Variants in NDFIP1 observed in about 807,000 individuals in gnomAD.
NDFIP1 encodes the protein Nedd4 family interacting protein 1.
NDFIP1 carries 7 observed loss-of-function variants against 28.8 expected under a neutral mutation model. The observed-to-expected ratio is 0.24, with a 90% confidence interval of 0.14 to 0.46. The LOEUF (loss-of-function observed/expected upper bound fraction) is 0.46, where lower values mean the gene tolerates loss of function less well. NDFIP1 is among the 20% of genes least tolerant of loss of function. The pLI is 0.99. For synonymous variants in NDFIP1, 92 were observed against 101.0 expected, an observed-to-expected ratio of 0.91 and a Z score of 0.53; for missense variants, 194 against 269.1, an observed-to-expected ratio of 0.72 and a Z score of 1.95.
chr5:142,153,363 C>A lies in NDFIP1; in HGVS notation c.*1635C>A, dbSNP rs13360877. On this transcript the variant is annotated 3_prime_UTR_variant, in exon 8 of 8. Coordinates refer to ENST00000253814, the MANE Select transcript of NDFIP1 (RefSeq NM_030571.4). ...AGCACAGTCTGATAGCTGCAAATGT[C>A]CATTCATCTGCTGTGTATGTATATC... is the stretch of plus-strand genomic sequence containing the variant. The A allele has an allele frequency of 3.0e-3, 1,357 of 456,742 alleles. 13 individuals are homozygous for A. The highest frequency in any genetic ancestry group is 0.024 in the African/African-American group (1,204 of 50,178). 28.3% of individuals were successfully genotyped at this position (456,742 alleles called of 1,614,324 possible). A position where few individuals can be genotyped will look rare whatever the true frequency, so the allele number is the denominator to read the frequency against.
intron 1 of NDFIP1, among the ~76,000 whole-genome samples, chr5:142,130,105 A>G (rs1757212163): frequency 6.6e-6 from 1 of 152,160 alleles, no homozygotes. Flanking sequence ...TACCGAAGCC[A>G]GGACCAGACC....
chr5:142,150,551 T>A (rs1031329377), intron 7 of NDFIP1, among the ~76,000 whole-genome samples: 21 of 151,982 alleles, frequency 1.4e-4, no homozygotes, highest in African/African-American at 4.8e-4. Context: ...ACTTACGCAG[T>A]AATCTAATCA....
In NDFIP1 at chr5:142,117,247, CTT is replaced by C. The variant is rs11346871; in HGVS notation, c.63+8224_63+8225del. Among the ~76,000 whole-genome samples the C allele has an allele frequency of 5.7e-3, 761 of 134,384 alleles. 8 individuals are homozygous for C. Among genetic ancestry groups the C allele is most frequent in the African/African-American group, 0.019 (657 of 35,386 alleles). The allele number at this position is 134,384 out of a possible 152,430, so 88.2% of individuals were successfully genotyped here. On this transcript the variant is annotated intron_variant, in intron 1 of 7. Coordinates refer to ENST00000253814, the MANE Select transcript of NDFIP1 (RefSeq NM_030571.4). The stretch of plus-strand genomic sequence containing the variant: ...ATAATGATTTCATTTTCTTTTTTTG[CTT>C]TTTTTTTTTTTTTGAGACGGAGTCT...
In NDFIP1 at chr5:142,123,878, T is replaced by C. The variant is rs144087641; in HGVS notation, c.64-7930T>C. 1.9e-3 allele frequency among the ~76,000 whole-genome samples: 291 copies of C among 152,308 alleles called. 1 individual carries two copies. Among genetic ancestry groups the C allele is most frequent in the African/African-American group, 6.7e-3 (278 of 41,576 alleles). On this transcript the variant is annotated intron_variant, in intron 1 of 7. Coordinates refer to ENST00000253814, the MANE Select transcript of NDFIP1 (RefSeq NM_030571.4). ...TCTGAGCTAAGCCTGAATTTTCTTA[T>C]GGAACCAAGAAGTGGAGAAAAAGAA...
At chr5:142,119,783 A>G (rs915101496) in intron 1 of NDFIP1, among the ~76,000 whole-genome samples, 1 of 152,230 alleles carries the variant, frequency 6.6e-6, no homozygotes, top group Non-Finnish European at 1.5e-5. Context: ...GTATAACATA[A>G]CACTCATATA....
At chr5:142,110,533 T>G (rs960888545) in intron 1 of NDFIP1, among the ~76,000 whole-genome samples, 1 of 152,126 alleles carries the variant, frequency 6.6e-6, no homozygotes, top group Non-Finnish European at 1.5e-5. Flanking sequence ...ATATAAAAAA[T>G]TTGCTGGAGT....
rs186187807 is a variant in NDFIP1, at chr5:142,118,895, A to G, written c.63+9858A>G. Among the ~76,000 whole-genome samples the G allele has an allele frequency of 4.5e-3, 681 of 152,140 alleles. 2 individuals carry two copies. Among genetic ancestry groups the G allele is most frequent in the Non-Finnish European group, 7.8e-3 (533 of 68,000 alleles). The stretch of plus-strand genomic sequence containing the variant: ...TTTAACCACTTCCATACTTTTTGGC[A>G]CTAGGCTCATCTTATATATTTCCTG... On this transcript the variant is annotated intron_variant, in intron 1 of 7. Coordinates refer to ENST00000253814, the MANE Select transcript of NDFIP1 (RefSeq NM_030571.4).
intron 1 of NDFIP1, among the ~76,000 whole-genome samples, chr5:142,125,283 T>G (rs941909341): frequency 6.6e-6 from 1 of 152,228 alleles, no homozygotes; most frequent in African/African-American, 2.4e-5. Context: ...TGAAGATTCA[T>G]GTACCAGTTT....
At position 142,147,572 on chromosome 5, in the gene NDFIP1, C is replaced by G. The variant is rs183671561; in HGVS notation, c.*2+2896C>G. On this transcript the variant is annotated intron_variant, in intron 7 of 7. Transcript: ENST00000253814. ...GTTACATTTTCCTGTTTTTACACAC[C>G]TGGCCAGTTATTTCTTTGTTGCAGC... 2.6e-5 allele frequency among the ~76,000 whole-genome samples: 4 copies of G among 152,216 alleles called. No individual in the cohort carries two copies. In the East Asian group the frequency reaches 5.8e-4, roughly 22 times the overall value.
chr5:142,112,086 A>G (rs991950293), intron 1 of NDFIP1, among the ~76,000 whole-genome samples: 5 of 151,526 alleles, frequency 3.3e-5, no homozygotes, highest in Non-Finnish European at 5.9e-5. Flanking sequence ...AAACAAAACA[A>G]AACAAAAAAT....
At chr5:142,119,475 A>G (rs1158194968) in intron 1 of NDFIP1, among the ~76,000 whole-genome samples, 1 of 152,252 alleles carries the variant, frequency 6.6e-6, no homozygotes, top group African/African-American at 2.4e-5. Context: ...AAACATTTAT[A>G]ATACAGTTAT....
Position 142,127,462 on chromosome 5 carries a change from G to A in NDFIP1, c.64-4346G>A, listed in dbSNP as rs546664097. On this transcript the variant is annotated intron_variant, in intron 1 of 7. Coordinates refer to ENST00000253814, the MANE Select transcript of NDFIP1 (RefSeq NM_030571.4). ...ATTCTAGTCTGCTCAGCACATAGAAGGGAGCAAAGGTAATCAGGAAAAGAG... is the reference window on the plus strand; with the variant it reads ...ATTCTAGTCTGCTCAGCACATAGAAAGGAGCAAAGGTAATCAGGAAAAGAG... Among the ~76,000 whole-genome samples, 20 of 152,292 alleles carry A rather than the reference G, an allele frequency of 1.3e-4. No homozygotes were observed. The East Asian group carries it at 2.9e-3, about 22-fold the overall frequency.
intron 3 of NDFIP1, among the ~76,000 whole-genome samples, chr5:142,135,018 G>C (rs1019508541): frequency 6.6e-6 from 1 of 151,362 alleles, no homozygotes; most frequent in African/African-American, 2.4e-5. Flanking sequence ...TCACTCTGTT[G>C]CCCAGGCTGG....
intron 1 of NDFIP1, among the ~76,000 whole-genome samples, chr5:142,126,861 G>T (rs4912624): frequency 0.94 from 142,640 of 152,248 alleles, 66,883 homozygotes; most frequent in East Asian, 1. Flanking sequence ...TGTCTTAAAC[G>T]TGTTAAATTC....
At chr5:142,121,800 G>GA (rs560478392) in intron 1 of NDFIP1, among the ~76,000 whole-genome samples, 24 of 152,276 alleles carry the variant, frequency 1.6e-4, no homozygotes, top group African/African-American at 5.5e-4. Context: ...TCATAGATGC[G>GA]AACTGGTAAG....
At chr5:142,144,778 GA>G in intron 7 of NDFIP1, 102 bp downstream of exon 7, 2 of 661,940 alleles carry the variant, frequency 3.0e-6, no homozygotes, top group Non-Finnish European at 5.1e-6. Flanking sequence ...GGCATATAGA[GA>G]AAGTAAAGAA....
chr5:142,128,489 G>A lies in NDFIP1; in HGVS notation c.64-3319G>A, dbSNP rs962298201. The stretch of plus-strand genomic sequence containing the variant: ...ACTTGTTGCCCCTGAAGTGTAAAAA[G>A]ATGTATATTTAAGGATTCCATTGTT... On this transcript the variant is annotated intron_variant, in intron 1 of 7. Coordinates refer to ENST00000253814, the MANE Select transcript of NDFIP1 (RefSeq NM_030571.4). 2.6e-5 allele frequency among the ~76,000 whole-genome samples: 4 copies of A among 152,166 alleles called. No individual in the cohort carries two copies. The South Asian group carries it at 8.3e-4, about 32-fold the overall frequency.
At chr5:142,118,542 C>A (rs72799908) in intron 1 of NDFIP1, among the ~76,000 whole-genome samples, 6,717 of 152,158 alleles carry the variant, frequency 0.044, 209 homozygotes, top group Middle Eastern at 0.092. Context: ...TGACATTGAC[C>A]TTGATCACCT....
intron 1 of NDFIP1, among the ~76,000 whole-genome samples, chr5:142,129,834 C>G (rs1042073639): frequency 6.7e-6 from 1 of 148,224 alleles, no homozygotes; most frequent in African/African-American, 2.5e-5. Flanking sequence ...TTGCTTGAAC[C>G]TGGGAGGTGG....
Sources: allele counts gnomAD v4.1 joint callset (sites outside exome capture counted in the v4.1 genomes callset), GRCh38; gene constraint gnomAD v4.1.1; transcripts MANE v1.5; gene names NCBI Gene and HGNC (gene_info 2026-07-23, HGNC 2026-07-21).